The following NPAS3 variants were observed in gnomAD, a reference collection of about 807,000 sequenced individuals.
NPAS3 encodes the protein neuronal PAS domain protein 3, also known as neuronal PAS domain-containing protein 3.
In NPAS3, 14 loss-of-function variants were observed where a neutral mutation model predicts 73.1. The ratio of observed to expected loss-of-function variants is 0.19; its 90% CI spans 0.13 to 0.30. NPAS3 has a LOEUF of 0.30. NPAS3 is among the 10% of genes least tolerant of loss of function. The probability of loss-of-function intolerance (pLI) is 1.00; values close to 1 mark genes in which losing one functional copy is unlikely to be tolerated. For missense variants in NPAS3, 1,096 were observed against 1,250.0 expected, an observed-to-expected ratio of 0.88 and a Z score of 1.86; for synonymous variants, 620 against 541.5, an observed-to-expected ratio of 1.14 and a Z score of -2.01.
At chr14:33,343,225 G>A (rs1292593937) in intron 3 of NPAS3, among the ~76,000 whole-genome samples, 2 of 152,026 alleles carry the variant, frequency 1.3e-5, no homozygotes, top group African/African-American at 4.8e-5. Context: ...TGTCAAACTG[G>A]GGCTTATTTG....
chr14:32,938,521 GAGAA>G (rs2035797693), upstream of NPAS3, among the ~76,000 whole-genome samples: 1 of 124,494 alleles, frequency 8.0e-6, no homozygotes, highest in Non-Finnish European at 1.7e-5. Context: ...GAGAGAGAGA[GAGAA>G]GGGGGGGGAG....
intron 5 of NPAS3, among the ~76,000 whole-genome samples, chr14:33,660,905 T>C (rs1640399188): frequency 6.6e-6 from 1 of 152,204 alleles, no homozygotes; most frequent in Non-Finnish European, 1.5e-5. Context: ...AGAATGCATA[T>C]GTATTCACAT....
At position 33,247,709 on chromosome 14, in the gene NPAS3, C is replaced by G. The variant is rs191381565; in HGVS notation, c.385+32283C>G. On this transcript the variant is annotated intron_variant, in intron 3 of 11. Transcript: ENST00000356141. ...TAAGCAGTTTAACTTCAAACATAAC[C>G]TTCCATAATTTGTTTTAAGAAGTCC... Among the ~76,000 whole-genome samples, 17 of 152,200 alleles carry G rather than the reference C, an allele frequency of 1.1e-4. No homozygotes were observed. In the East Asian group the frequency reaches 3.3e-3, roughly 29 times the overall value.
chr14:33,389,827 C>T (rs1284891427), intron 4 of NPAS3, among the ~76,000 whole-genome samples: 3 of 152,044 alleles, frequency 2.0e-5, no homozygotes, highest in Non-Finnish European at 4.4e-5. Context: ...GAATGTTGTT[C>T]CTCTCTTTAT....
At chr14:33,554,270 C>G (rs2055252536) in intron 4 of NPAS3, among the ~76,000 whole-genome samples, 1 of 152,212 alleles carries the variant, frequency 6.6e-6, no homozygotes, top group African/African-American at 2.4e-5. Context: ...TGCCCGAATT[C>G]AGGCTCTGCC....
intron 4 of NPAS3, among the ~76,000 whole-genome samples, chr14:33,507,462 G>C (rs2052820232): frequency 6.6e-6 from 1 of 151,880 alleles, no homozygotes; most frequent in African/African-American, 2.4e-5. Context: ...CAGTCTTTTT[G>C]ATCCTGAAGA....
intron 7 of NPAS3, among the ~76,000 whole-genome samples, chr14:33,773,198 T>C (rs2062707956): frequency 6.6e-6 from 1 of 152,148 alleles, no homozygotes; most frequent in Admixed American, 6.5e-5. Context: ...TCCAGTTCCT[T>C]ATAGCAAAGG....
chr14:33,128,781 A>G (rs2043528331), intron 2 of NPAS3, among the ~76,000 whole-genome samples: 1 of 152,112 alleles, frequency 6.6e-6, no homozygotes, highest in Non-Finnish European at 1.5e-5. Flanking sequence ...TTATGAGGTA[A>G]TGTTACCTTG....
intron 7 of NPAS3, among the ~76,000 whole-genome samples, chr14:33,748,869 T>C (rs2140745247): frequency 6.6e-6 from 1 of 152,284 alleles, no homozygotes; most frequent in East Asian, 1.9e-4. Context: ...CCCTGATTTC[T>C]GGGAAGAGGG....
chr14:33,023,092 T>G (rs564037589), intron 1 of NPAS3, among the ~76,000 whole-genome samples: 2 of 148,422 alleles, frequency 1.3e-5, no homozygotes. Context: ...AACACAAATT[T>G]AAAAAAAAAA....
chr14:33,796,131 A>G (rs995601014), intron 10 of NPAS3, among the ~76,000 whole-genome samples: 2 of 152,110 alleles, frequency 1.3e-5, no homozygotes, highest in Non-Finnish European at 2.9e-5. Context: ...TAGCAACTAC[A>G]GAAGTTTGGT....
intron 6 of NPAS3, among the ~76,000 whole-genome samples, chr14:33,684,596 C>T (rs946775627): frequency 6.6e-6 from 1 of 152,190 alleles, no homozygotes; most frequent in African/African-American, 2.4e-5. Context: ...CCACACCCAG[C>T]CTCTTTGCTC....
At chr14:33,738,329 A>AG (rs2061574455) in intron 7 of NPAS3, among the ~76,000 whole-genome samples, 1 of 152,194 alleles carries the variant, frequency 6.6e-6, no homozygotes, top group South Asian at 2.1e-4. Context: ...TAAAGGATTA[A>AG]GTCCCAAGAA....
rs139333844 is a variant in NPAS3, at chr14:33,065,735, T to C, written c.140+9741T>C. On this transcript the variant is annotated intron_variant, in intron 2 of 11. Transcript: ENST00000356141. ...TTTGCTTGTTCTCATGTGTTACCAATGAGAAGAGGCCTATTTCTCTTACTA... is the reference window on the plus strand; with the variant it reads ...TTTGCTTGTTCTCATGTGTTACCAACGAGAAGAGGCCTATTTCTCTTACTA... 5.9e-5 allele frequency among the ~76,000 whole-genome samples: 9 copies of C among 152,074 alleles called. No homozygotes were observed. The East Asian group carries it at 1.8e-3, about 30-fold the overall frequency.
At chr14:33,334,119 G>T (rs563425913) in intron 3 of NPAS3, among the ~76,000 whole-genome samples, 3 of 152,212 alleles carry the variant, frequency 2.0e-5, no homozygotes, top group Admixed American at 1.3e-4. Context: ...CAGTATGGCA[G>T]GTTCACTTTG....
intron 1 of NPAS3, among the ~76,000 whole-genome samples, chr14:32,990,107 C>A (rs543751323): frequency 6.6e-6 from 1 of 152,114 alleles, no homozygotes; most frequent in Admixed American, 6.5e-5. Context: ...GGAAAAGGAG[C>A]AAATATGTGC....
chr14:33,102,647 G>A (rs895024710), intron 2 of NPAS3, among the ~76,000 whole-genome samples: 2 of 152,128 alleles, frequency 1.3e-5, no homozygotes, highest in African/African-American at 2.4e-5. Flanking sequence ...AGCGAAATAG[G>A]AAGGATGCAG....
chr14:33,337,158 A>G (rs188124465), intron 3 of NPAS3, among the ~76,000 whole-genome samples: 2 of 152,268 alleles, frequency 1.3e-5, no homozygotes. Flanking sequence ...TTTGCATAAT[A>G]TGAAGTCAAA....
chr14:33,544,696 C>T (rs2054697924), intron 4 of NPAS3, among the ~76,000 whole-genome samples: 2 of 141,800 alleles, frequency 1.4e-5, no homozygotes, highest in African/African-American at 2.7e-5. Flanking sequence ...GAATAAGTTT[C>T]TGTTGTTTAA....
Sources: allele counts gnomAD v4.1 joint callset (sites outside exome capture counted in the v4.1 genomes callset), GRCh38; gene constraint gnomAD v4.1.1; transcripts MANE v1.5; gene names NCBI Gene and HGNC (gene_info 2026-07-23, HGNC 2026-07-21).